The following SPINT2 variants were observed in gnomAD, a reference collection of about 807,000 sequenced individuals.
The protein encoded by SPINT2 is serine peptidase inhibitor, Kunitz type 2.
In SPINT2, 18 loss-of-function variants were observed where a neutral mutation model predicts 30.1. The ratio of observed to expected loss-of-function variants is 0.60; its 90% CI spans 0.41 to 0.89. SPINT2 has a LOEUF of 0.89. SPINT2 is among the 40% of genes least tolerant of loss of function. SPINT2 has a pLI of 0.00. For synonymous variants in SPINT2, 139 were observed against 137.9 expected (o/e 1.01, Z -0.05); for missense variants, 276 against 334.3 (o/e 0.83, Z 1.36).
intron 1 of SPINT2, among the ~76,000 whole-genome samples, chr19:38,275,830 C>T (rs777234289): frequency 4.0e-5 from 6 of 150,974 alleles, no homozygotes; most frequent in Non-Finnish European, 5.9e-5. Flanking sequence ...TGGGTTCAAA[C>T]GATTCTCCTG....
intron 2 of SPINT2, among the ~76,000 whole-genome samples, chr19:38,284,873 G>A (rs751274090): frequency 5.3e-5 from 8 of 151,952 alleles, no homozygotes; most frequent in Non-Finnish European, 8.8e-5. Context: ...CCACCACTAC[G>A]CCTGGCTAAT....
intron 1 of SPINT2, among the ~76,000 whole-genome samples, chr19:38,269,500 G>A (rs923988143): frequency 6.6e-6 from 1 of 150,510 alleles, no homozygotes; most frequent in Non-Finnish European, 1.5e-5. Context: ...CTGCCTCCTG[G>A]GTTCAAGTGA....
At chr19:38,285,682 T>G (rs112875205) in intron 2 of SPINT2, among the ~76,000 whole-genome samples, 1,754 of 152,280 alleles carry the variant, frequency 0.012, 42 homozygotes, top group African/African-American at 0.041. Flanking sequence ...TACACTGGCC[T>G]TTAAGTAAAA....
At chr19:38,287,317 G>T (rs534683199) in intron 2 of SPINT2, among the ~76,000 whole-genome samples, 2 of 152,340 alleles carry the variant, frequency 1.3e-5, no homozygotes, top group African/African-American at 4.8e-5. Flanking sequence ...TCCTGCCTCA[G>T]CCTCCGGAGT....
chr19:38,273,916 C>A (rs1438536111), intron 1 of SPINT2, among the ~76,000 whole-genome samples: 2 of 152,108 alleles, frequency 1.3e-5, no homozygotes, highest in African/African-American at 2.4e-5. Context: ...CGTAAAGATA[C>A]AATATCTACT....
intron 1 of SPINT2, among the ~76,000 whole-genome samples, chr19:38,267,837 G>A (rs925292617): frequency 5.3e-4 from 81 of 152,232 alleles, no homozygotes; most frequent in African/African-American, 1.9e-3. Context: ...AGGCGGGGTA[G>A]TGAATGATTT....
intron 6 of SPINT2, chr19:38,291,384 G>A (rs1568344899): frequency 5.9e-6 from 1 of 169,228 alleles, no homozygotes; most frequent in African/African-American, 2.4e-5. Flanking sequence ...TCCCGCAGTA[G>A]CTCTCAGCCC....
At chr19:38,287,360 G>A (rs372113954) in intron 2 of SPINT2, among the ~76,000 whole-genome samples, 5 of 152,270 alleles carry the variant, frequency 3.3e-5, no homozygotes, top group South Asian at 4.1e-4. Context: ...CACCACACCC[G>A]GCTAATTTTT....
At position 38,290,260 on chromosome 19, in the gene SPINT2, C is replaced by T. The variant is rs566177111; in HGVS notation, c.533C>T (p.Ala178Val). 2.5e-6 allele frequency: 4 copies of T among 1,612,128 alleles called. No individual in the cohort carries two copies. The East Asian group carries it at 6.7e-5, about 27-fold the overall frequency. ...AAGAACAGCTACCGCTCTGAGGAGG[C>T]CTGCATGCTCCGCTGCTTCCGTAAG... ...GNKNSYRSEE[A>V]CMLRCFRQQE... Residue 178 changes from alanine to valine, a missense_variant, in exon 5 of 7, where the codon GCC (alanine) becomes GTC (valine). Physicochemically the swap from Ala to Val is moderately conservative, Grantham distance 64. Coordinates refer to ENST00000301244, the MANE Select transcript of SPINT2 (RefSeq NM_021102.4). The surrounding 1 kb of genome is among the most constrained non-coding windows in gnomAD (Gnocchi z 4.3).
At chr19:38,280,695 C>T (rs1380280468) in intron 1 of SPINT2, among the ~76,000 whole-genome samples, 4 of 151,892 alleles carry the variant, frequency 2.6e-5, no homozygotes, top group Admixed American at 1.3e-4. Flanking sequence ...CCCTTACTTA[C>T]GAAGTTACCG....
At chr19:38,265,066 T>TG in intron 1 of SPINT2, 68 bp downstream of exon 1, 3 of 999,402 alleles carry the variant, frequency 3.0e-6, no homozygotes, top group Non-Finnish European at 3.9e-6. Context: ...AACGGGGGTC[T>TG]GAGCAGGGAG....
intron 4 of SPINT2, chr19:38,289,633 GC>G (rs1259722288): frequency 4.0e-6 from 1 of 250,198 alleles, no homozygotes; most frequent in African/African-American, 2.3e-5. Flanking sequence ...GGTGGTGGCA[GC>G]CCCCTGAGGT....
chr19:38,283,586 A>G, intron 1 of SPINT2, 41 bp from the exon 2 acceptor site: 1 of 1,612,780 alleles, frequency 6.2e-7, no homozygotes, highest in Non-Finnish European at 8.5e-7. Context: ...TGTTGCCAGG[A>G]TTGCCCTGCC....
At chr19:38,273,052 T>C (rs1968475704) in intron 1 of SPINT2, among the ~76,000 whole-genome samples, 1 of 152,006 alleles carries the variant, frequency 6.6e-6, no homozygotes, top group East Asian at 1.9e-4. Flanking sequence ...CTAAATATTT[T>C]ATATAGAAAA....
intron 2 of SPINT2, 45 bp downstream of exon 2, chr19:38,283,842 T>A (rs1419858117): frequency 9.0e-7 from 1 of 1,115,780 alleles, no homozygotes; most frequent in Non-Finnish European, 1.2e-6. Flanking sequence ...CCTTTTTTTT[T>A]TTTTTTTTTT....
intron 2 of SPINT2, among the ~76,000 whole-genome samples, chr19:38,284,556 A>T (rs574014570): frequency 5.3e-5 from 8 of 152,094 alleles, no homozygotes; most frequent in African/African-American, 1.9e-4. Flanking sequence ...GCAGACCCTC[A>T]CTCCTCCTCT....
At chr19:38,272,566 A>G (rs1400461645) in intron 1 of SPINT2, among the ~76,000 whole-genome samples, 1 of 152,064 alleles carries the variant, frequency 6.6e-6, no homozygotes, top group African/African-American at 2.4e-5. Flanking sequence ...AAGATTTGAA[A>G]CTATTGTTTC....
chr19:38,270,864 G>C (rs975500024), intron 1 of SPINT2, among the ~76,000 whole-genome samples: 1 of 152,200 alleles, frequency 6.6e-6, no homozygotes, highest in Non-Finnish European at 1.5e-5. Context: ...CATGTGAGGC[G>C]GGAGAGAGCC....
intron 1 of SPINT2, among the ~76,000 whole-genome samples, chr19:38,274,823 A>G (rs893578898): frequency 6.6e-6 from 1 of 151,822 alleles, no homozygotes; most frequent in Non-Finnish European, 1.5e-5. Flanking sequence ...AAAAAAAAAA[A>G]AAAACATAAA....
Sources: gnomAD v4.1 joint callset for allele counts (sites outside exome capture counted in the v4.1 genomes callset) on GRCh38, gnomAD v4.1.1 for gene constraint, Gnocchi (gnomAD v3.1) non-coding constraint, MANE v1.5 for transcripts, NCBI Gene and HGNC (gene_info 2026-07-23, HGNC 2026-07-21) for gene names.